Variants in HSD17B6 observed in about 807,000 individuals in gnomAD.
HSD17B6 encodes the protein hydroxysteroid 17-beta dehydrogenase 6, also known as 17-beta-hydroxysteroid dehydrogenase type 6.
Under a neutral mutation model 26.4 loss-of-function variants are expected in HSD17B6, and 16 were observed. The observed-to-expected ratio is 0.61, with a 90% CI of 0.41 to 0.92. HSD17B6 has a LOEUF of 0.92. HSD17B6 is among the 40% of genes least tolerant of loss of function. HSD17B6 has a pLI of 0.00. For missense variants in HSD17B6, 357 were observed against 386.1 expected (o/e 0.92, Z 0.63); for synonymous variants, 139 against 153.0 (o/e 0.91, Z 0.68).
chr12:56,786,018 C>G, intron 4 of HSD17B6: 1 of 905,742 alleles, frequency 1.1e-6, no homozygotes, highest in Non-Finnish European at 1.3e-6. Context: ...CTAATAGGTA[C>G]AGGGTTTCTT....
chr12:56,773,155 C>T (rs561463714), intron 1 of HSD17B6, among the ~76,000 whole-genome samples: 1 of 152,316 alleles, frequency 6.6e-6, no homozygotes, highest in Non-Finnish European at 1.5e-5. Flanking sequence ...GCTGCAATAA[C>T]TCACCCAAAC....
At position 56,763,784 on chromosome 12, in the gene HSD17B6, G is replaced by A. The variant is rs114297077; in HGVS notation, c.-20+370G>A. On this transcript the variant is annotated intron_variant, in intron 1 of 4. Coordinates refer to ENST00000322165, the MANE Select transcript of HSD17B6 (RefSeq NM_003725.4). ...TAAGTTTGTGAAACTTTGGGTAAGC[G>A]GAAAGGGGCCTTCTGTGATTGGGCC... Among the ~76,000 whole-genome samples the A allele has an allele frequency of 1.4e-3, 214 of 152,026 alleles. 2 individuals are homozygous for A. The highest frequency in any genetic ancestry group is 5.0e-3 in the African/African-American group (209 of 41,488).
intron 4 of HSD17B6, among the ~76,000 whole-genome samples, chr12:56,785,428 A>G (rs976060786): frequency 1.3e-5 from 2 of 152,234 alleles, no homozygotes; most frequent in African/African-American, 4.8e-5. Flanking sequence ...GAGAAGGGGA[A>G]AAGAGGGTTG....
intron 3 of HSD17B6, among the ~76,000 whole-genome samples, chr12:56,783,117 C>T (rs1366909955): frequency 6.6e-6 from 1 of 152,320 alleles, no homozygotes; most frequent in Non-Finnish European, 1.5e-5. Context: ...TCCACAAAAC[C>T]GCCATCGTCA....
intron 3 of HSD17B6, among the ~76,000 whole-genome samples, chr12:56,783,910 A>T (rs1483430118): frequency 2.0e-5 from 3 of 148,382 alleles, no homozygotes; most frequent in Non-Finnish European, 4.5e-5. Context: ...GGGGCTCCTC[A>T]CTTCTCAAAC....
intron 1 of HSD17B6, among the ~76,000 whole-genome samples, chr12:56,771,132 A>G (rs1321281106): frequency 6.6e-6 from 1 of 152,300 alleles, no homozygotes; most frequent in African/African-American, 2.4e-5. Context: ...GCTCAGGCTC[A>G]TGGGCCTGGC....
chr12:56,784,240 C>G (rs914925544), intron 3 of HSD17B6, among the ~76,000 whole-genome samples: 5 of 151,938 alleles, frequency 3.3e-5, no homozygotes, highest in African/African-American at 1.2e-4. Context: ...TGATGGGTGG[C>G]CAGGCAGAGA....
chr12:56,772,487 G>T (rs751101714), intron 1 of HSD17B6, among the ~76,000 whole-genome samples: 1 of 151,986 alleles, frequency 6.6e-6, no homozygotes, highest in Non-Finnish European at 1.5e-5. Context: ...CTGAGGTCAG[G>T]AGTTCACGAC....
chr12:56,763,468 T>TGTGG (rs1201300718), intron 1 of HSD17B6, 54 bp downstream of exon 1: 1 of 153,970 alleles, frequency 6.5e-6, no homozygotes, highest in Non-Finnish European at 1.4e-5. Context: ...TGTGTGTGTG[T>TGTGG]GTGTGTGTGT....
rs534834493 is a variant in HSD17B6 at position 56,772,695 on chromosome 12, C to A, written c.-19-1139C>A. On this transcript the variant is annotated intron_variant, in intron 1 of 4. Coordinates refer to ENST00000322165, the MANE Select transcript of HSD17B6 (RefSeq NM_003725.4). ...CTGGGCAAAAAGAGTGAAACTCTGT[C>A]TCAAAAAAAAAAAAAAAAGAAAAAA... 6.0e-5 allele frequency among the ~76,000 whole-genome samples: 7 copies of A among 116,240 alleles called. No individual in the cohort carries two copies. In the East Asian group the frequency reaches 1.1e-3, roughly 18 times the overall value. The allele number at this position is 116,240 out of a possible 152,430, so 76.3% of individuals were successfully genotyped here. A position where few individuals can be genotyped will look rare whatever the true frequency, so the allele number is the denominator to read the frequency against.
At chr12:56,786,470 G>A (rs930184657) in intron 4 of HSD17B6, among the ~76,000 whole-genome samples, 7 of 152,018 alleles carry the variant, frequency 4.6e-5, no homozygotes, top group East Asian at 1.9e-4. Flanking sequence ...TGCCGGTCTC[G>A]AACTCCTGAC....
chr12:56,784,970 C>T lies in HSD17B6; in HGVS notation c.690C>T (p.Ala230=). The change falls in exon 4 of 5, where the codon GCC becomes GCT. Residue 230 remains alanine, a synonymous_variant. Coordinates refer to ENST00000322165, the MANE Select transcript of HSD17B6 (RefSeq NM_003725.4). ...LERMKQSWKE[A]PKHIKETYGQ... ...GAATGAAGCAAAGTTGGAAAGAAGC[C>T]CCCAAGCATATTAAGGAGACCTATG... 6.2e-7 allele frequency: 1 copy of T among 1,613,950 alleles called. No homozygotes were observed. Among genetic ancestry groups the T allele is most frequent in the East Asian group, 2.2e-5 (1 of 44,878 alleles).
At chr12:56,768,999 A>C (rs1373420976) in intron 1 of HSD17B6, among the ~76,000 whole-genome samples, 3 of 151,064 alleles carry the variant, frequency 2.0e-5, no homozygotes. Flanking sequence ...ACTGAGGAAA[A>C]GGAAGGCAGA....
chr12:56,780,805 C>T (rs547134424), intron 2 of HSD17B6, among the ~76,000 whole-genome samples: 111 of 147,202 alleles, frequency 7.5e-4, no homozygotes, highest in Admixed American at 1.4e-3. Flanking sequence ...GTGGAGATCC[C>T]GCCACTGCAC....
Position 56,787,551 on chromosome 12 carries a change from C to T in HSD17B6, c.*209C>T. 1 of 554,632 alleles carries T rather than the reference C, an allele frequency of 1.8e-6. No homozygotes were observed. Among genetic ancestry groups the T allele is most frequent in the Non-Finnish European group, 3.2e-6 (1 of 313,850 alleles). 34.4% of individuals were successfully genotyped at this position (554,632 alleles called of 1,614,324 possible). On this transcript the variant is annotated 3_prime_UTR_variant, in exon 5 of 5. Transcript: ENST00000322165. ...GTGATGAATCTTTACTATTTTAGCC[C>T]TTTTTTGATGAGACTATTTGTCTAA...
At chr12:56,778,759 C>A (rs1356133874) in intron 2 of HSD17B6, among the ~76,000 whole-genome samples, 3 of 151,306 alleles carry the variant, frequency 2.0e-5, no homozygotes, top group African/African-American at 7.3e-5. Context: ...ACGGCAAGCT[C>A]CGCCTACTGG....
chr12:56,767,502 C>T (rs111324591), intron 1 of HSD17B6, among the ~76,000 whole-genome samples: 83 of 148,954 alleles, frequency 5.6e-4, no homozygotes, highest in African/African-American at 1.0e-3. Flanking sequence ...GGGGACAGAG[C>T]GAGACTCCCT....
intron 1 of HSD17B6, among the ~76,000 whole-genome samples, chr12:56,769,392 G>A (rs1026781635): frequency 6.6e-6 from 1 of 152,150 alleles, no homozygotes; most frequent in South Asian, 2.1e-4. Flanking sequence ...GTGAGCCACC[G>A]TGCCTGGCCT....
chr12:56,771,796 G>A (rs910345858), intron 1 of HSD17B6, among the ~76,000 whole-genome samples: 3 of 151,954 alleles, frequency 2.0e-5, no homozygotes, highest in Non-Finnish European at 2.9e-5. Flanking sequence ...ATATGGTTTG[G>A]CTTTGTGTCG....
Sources: gnomAD v4.1 joint callset for allele counts (sites outside exome capture counted in the v4.1 genomes callset) on GRCh38, gnomAD v4.1.1 for gene constraint, MANE v1.5 for transcripts, NCBI Gene and HGNC (gene_info 2026-07-23, HGNC 2026-07-21) for gene names.